The following TNR variants were observed in gnomAD, a reference collection of about 807,000 sequenced individuals.
The protein encoded by TNR is tenascin-R.
In TNR, 45 loss-of-function variants were observed where a neutral mutation model predicts 150.4. The observed-to-expected ratio is 0.30, with a 90% confidence interval of 0.24 to 0.38. The LOEUF is 0.38. TNR is among the 10% of genes least tolerant of loss of function. The pLI, the probability that TNR is intolerant of heterozygous loss-of-function variation, is 1.00. For synonymous variants in TNR, 687 were observed against 678.4 expected (o/e 1.01, Z -0.20); for missense variants, 1,544 against 1,759.1 (o/e 0.88, Z 2.19).
At chr1:175,513,420 G>C (rs1013236368) in intron 2 of TNR, among the ~76,000 whole-genome samples, 1 of 152,140 alleles carries the variant, frequency 6.6e-6, no homozygotes, top group Non-Finnish European at 1.5e-5. Context: ...GAGTTGGTCT[G>C]CCTGCAGAGA....
chr1:175,359,139 C>CTTTTTTTTTTTTTTTTTTTTTTTT lies in TNR; in HGVS notation c.2974+449_2974+472dup, dbSNP rs758610631. On this transcript the variant is annotated intron_variant, in intron 15 of 22. Transcript: ENST00000367674. ...AGTTTGCAGAGTTTGGGGATATCTT[C>CTTTTTTTTTTTTTTTTTTTTTTTT]TTTTTTTTTTTTTTTTTTTTTTTTT... Among the ~76,000 whole-genome samples the CTTTTTTTTTTTTTTTTTTTTTTTT allele has an allele frequency of 2.8e-4, 12 of 42,146 alleles. 3 individuals carry two copies. The highest frequency in any genetic ancestry group is 3.9e-4 in the Non-Finnish European group (9 of 23,136). The allele number at this position is 42,146 out of a possible 152,430, so 27.6% of individuals were successfully genotyped here.
chr1:175,489,240 C>T (rs1658141034), intron 2 of TNR, among the ~76,000 whole-genome samples: 1 of 152,166 alleles, frequency 6.6e-6, no homozygotes. Flanking sequence ...TAGCTCCTTC[C>T]CTTCCACTTT....
At chr1:175,331,164 TC>T (rs1380163725) in intron 20 of TNR, among the ~76,000 whole-genome samples, 1,938 of 32,784 alleles carry the variant, frequency 0.059, 114 homozygotes, top group Non-Finnish European at 0.067. Flanking sequence ...TCTTTTTCTT[TC>T]CTTCCTTCCT....
At chr1:175,575,683 T>G (rs1295141393) in intron 1 of TNR, among the ~76,000 whole-genome samples, 1 of 152,152 alleles carries the variant, frequency 6.6e-6, no homozygotes, top group African/African-American at 2.4e-5. Flanking sequence ...CCTTGAAGGC[T>G]AGATTGAATG....
intron 1 of TNR, among the ~76,000 whole-genome samples, chr1:175,661,718 A>G (rs1194719307): frequency 6.6e-6 from 1 of 152,006 alleles, no homozygotes; most frequent in Non-Finnish European, 1.5e-5. Flanking sequence ...TCCCTGCTGG[A>G]CATTTCTCTC....
At position 175,666,747 on chromosome 1, in the gene TNR, CGTT is replaced by C. The variant is rs957265855; in HGVS notation, c.-165+76476_-165+76478del. On this transcript the variant is annotated intron_variant, in intron 1 of 22. Transcript: ENST00000367674. ...CAAAACTTTCTCTGCTCCCTAGATT[CGTT>C]GTTGTTATTGTTTATAGAGACAGGT... 3.3e-5 allele frequency among the ~76,000 whole-genome samples: 5 copies of C among 152,260 alleles called. 1 individual carries two copies. The East Asian group carries it at 9.7e-4, about 29-fold the overall frequency.
intron 8 of TNR, among the ~76,000 whole-genome samples, 161 bp downstream of exon 8, chr1:175,385,871 A>C (rs1652891630): frequency 6.6e-6 from 1 of 152,152 alleles, no homozygotes; most frequent in South Asian, 2.1e-4. Flanking sequence ...CTTTTCCTGT[A>C]TGCTGGAAAC....
chr1:175,366,198 G>C, intron 10 of TNR, 60 bp from the exon 11 acceptor site: 1 of 1,507,632 alleles, frequency 6.6e-7, no homozygotes, highest in Non-Finnish European at 8.9e-7. Context: ...AGTATTTATT[G>C]GCCTGCTTTG....
At position 175,559,589 on chromosome 1, in the gene TNR, A is replaced by G. The variant is rs546362875; in HGVS notation, c.-164-31220T>C. Reference sequence around the variant, plus strand: ...GTACATATGTATCACTGAAGAATACATATCAGTATTGTACATGTTTTTAGA... The same window carrying G: ...GTACATATGTATCACTGAAGAATACGTATCAGTATTGTACATGTTTTTAGA... On this transcript the variant is annotated intron_variant, in intron 1 of 22. Coordinates refer to ENST00000367674, the MANE Select transcript of TNR (RefSeq NM_003285.3). Among the ~76,000 whole-genome samples the G allele has an allele frequency of 3.3e-5, 5 of 152,294 alleles. No homozygotes were observed. The East Asian group carries it at 9.6e-4, about 29-fold the overall frequency.
At chr1:175,484,527 T>C (rs895603710) in intron 2 of TNR, among the ~76,000 whole-genome samples, 1 of 152,156 alleles carries the variant, frequency 6.6e-6, no homozygotes, top group African/African-American at 2.4e-5. Context: ...CCTCTCCTAG[T>C]CTTTCTCTCT....
At chr1:175,557,529 A>G (rs531038113) in intron 1 of TNR, among the ~76,000 whole-genome samples, 2 of 152,232 alleles carry the variant, frequency 1.3e-5, no homozygotes, top group Admixed American at 6.5e-5. Flanking sequence ...TCCAATCTCA[A>G]CTTGAACTTT....
intron 2 of TNR, among the ~76,000 whole-genome samples, chr1:175,426,123 G>A (rs921167176): frequency 1.3e-5 from 2 of 152,158 alleles, no homozygotes; most frequent in Admixed American, 6.5e-5. Flanking sequence ...AGAGCGCAGC[G>A]TCTGTATTCT....
chr1:175,534,161 A>G (rs1336928264), intron 1 of TNR, among the ~76,000 whole-genome samples: 1 of 152,226 alleles, frequency 6.6e-6, no homozygotes, highest in East Asian at 1.9e-4. Context: ...GCAATGGACC[A>G]TCCTGGCTGA....
At chr1:175,429,282 T>C (rs1655155725) in intron 2 of TNR, among the ~76,000 whole-genome samples, 1 of 152,194 alleles carries the variant, frequency 6.6e-6, no homozygotes, top group Non-Finnish European at 1.5e-5. Flanking sequence ...TAGATGTATA[T>C]GTAAATATAG....
At chr1:175,732,269 TA>T (rs1667662696) in intron 1 of TNR, among the ~76,000 whole-genome samples, 1 of 152,332 alleles carries the variant, frequency 6.6e-6, no homozygotes, top group African/African-American at 2.4e-5. Context: ...AGATCAGAGT[TA>T]AAAGAAGTGG....
intron 18 of TNR, among the ~76,000 whole-genome samples, chr1:175,347,225 G>A (rs1450060041): frequency 1.3e-5 from 2 of 151,770 alleles, no homozygotes; most frequent in Non-Finnish European, 2.9e-5. Context: ...AATTAAATAG[G>A]TATTATAAAA....
At chr1:175,700,017 G>C (rs2101926048) in intron 1 of TNR, among the ~76,000 whole-genome samples, 1 of 152,062 alleles carries the variant, frequency 6.6e-6, no homozygotes, top group East Asian at 1.9e-4. Flanking sequence ...TAGTATCTAT[G>C]TGAGAGGGAA....
chr1:175,617,892 G>A (rs1349019506), intron 1 of TNR, among the ~76,000 whole-genome samples: 23 of 152,082 alleles, frequency 1.5e-4, no homozygotes. Context: ...TTTAGATCAG[G>A]AAACTGATAC....
Position 175,635,246 on chromosome 1 carries a change from G to A in TNR, c.-164-106877C>T, listed in dbSNP as rs56373141. The stretch of plus-strand genomic sequence containing the variant: ...ACCTGGGCATATCTGGAAGGTTTTC[G>A]ACTTTGAGCAGCTGGAGCAGCTCCA... On this transcript the variant is annotated intron_variant, in intron 1 of 22. Coordinates refer to ENST00000367674, the MANE Select transcript of TNR (RefSeq NM_003285.3). Among the ~76,000 whole-genome samples the A allele has an allele frequency of 3.0e-3, 463 of 152,312 alleles. 2 individuals are homozygous for A. The highest frequency in any genetic ancestry group is 0.024 in the East Asian group (126 of 5,174).
Sources: allele counts gnomAD v4.1 joint callset (sites outside exome capture counted in the v4.1 genomes callset), GRCh38; gene constraint gnomAD v4.1.1; transcripts MANE v1.5; gene names NCBI Gene and HGNC (gene_info 2026-07-23, HGNC 2026-07-21).